WARS1: variants seen among roughly 807,000 people sequenced by gnomAD.
The protein encoded by WARS1 is tryptophan--tRNA ligase, cytoplasmic.
WARS1 carries 17 observed loss-of-function variants against 47.8 expected under a neutral mutation model. The ratio of observed to expected loss-of-function variants is 0.36; its 90% CI spans 0.24 to 0.53. The LOEUF is 0.53. Among genes scored for constraint, WARS1 ranks in the 20% least tolerant of loss-of-function variants. WARS1 has a pLI of 0.91. For synonymous variants in WARS1, 208 were observed against 228.1 expected (o/e 0.91, Z 0.79); for missense variants, 434 against 608.0 (o/e 0.71, Z 3.01).
In WARS1 at chr14:100,353,883, G is replaced by A. The variant is rs185745769; in HGVS notation, c.543-14C>T. On this transcript the variant is annotated splice_polypyrimidine_tract_variant and intron_variant, in intron 5 of 10. Transcript: ENST00000392882. ...TCCTGGAGCCACCTAAAGAAACACA[G>A]GGGGAGAAAGCTGACGTCTCATCTC... 1.1e-5 allele frequency: 17 copies of A among 1,610,114 alleles called. No homozygotes were observed. The highest frequency in any genetic ancestry group is 3.6e-4 in the Middle Eastern group (2 of 5,578).
intron 1 of WARS1, among the ~76,000 whole-genome samples, chr14:100,371,213 T>A (rs1407226921): frequency 6.6e-6 from 1 of 151,336 alleles, no homozygotes; most frequent in South Asian, 2.1e-4. Flanking sequence ...TTTGGGAGGC[T>A]GAGGTGGGTG....
At chr14:100,346,551 C>T (rs1327219344) in intron 7 of WARS1, among the ~76,000 whole-genome samples, 195 bp downstream of exon 7, 1 of 152,232 alleles carries the variant, frequency 6.6e-6, no homozygotes, top group Non-Finnish European at 1.5e-5. Flanking sequence ...CCCAGAGAAG[C>T]TGCTCAATGC....
At chr14:100,351,268 G>A (rs1894961198) in intron 6 of WARS1, among the ~76,000 whole-genome samples, 2 of 152,122 alleles carry the variant, frequency 1.3e-5, no homozygotes, top group African/African-American at 4.8e-5. Context: ...AAAAGGAGAA[G>A]CAGAACCCAC....
chr14:100,345,232 C>CA (rs1894514644), intron 7 of WARS1, among the ~76,000 whole-genome samples: 1 of 150,094 alleles, frequency 6.7e-6, no homozygotes, highest in Admixed American at 6.7e-5. Flanking sequence ...AATAGAAAGG[C>CA]GGGAAAGGTG....
chr14:100,341,605 T>C (rs1015985691), intron 9 of WARS1, among the ~76,000 whole-genome samples: 4 of 152,218 alleles, frequency 2.6e-5, no homozygotes, highest in Admixed American at 2.6e-4. Context: ...GAGGCAATTA[T>C]ATATACACTG....
chr14:100,369,523 C>T (rs1595463328), intron 1 of WARS1, among the ~76,000 whole-genome samples: 1 of 151,808 alleles, frequency 6.6e-6, no homozygotes, highest in African/African-American at 2.4e-5. Flanking sequence ...CTAGGAGGGG[C>T]CCTCCTAGTC....
At chr14:100,375,708 T>C (rs994838679), upstream of WARS1, 4 of 152,164 alleles carry the variant, frequency 2.6e-5, no homozygotes, top group Non-Finnish European at 5.9e-5. Flanking sequence ...TGTGTAGTCG[T>C]GGGCGGTGGA....
intron 9 of WARS1, among the ~76,000 whole-genome samples, chr14:100,341,206 G>A (rs1486206031): frequency 6.6e-6 from 1 of 152,138 alleles, no homozygotes; most frequent in South Asian, 2.1e-4. Flanking sequence ...GTGAGCTATC[G>A]CACCTGGCCA....
intron 6 of WARS1, among the ~76,000 whole-genome samples, chr14:100,350,753 G>A (rs1019955071): frequency 6.6e-6 from 1 of 152,196 alleles, no homozygotes; most frequent in Non-Finnish European, 1.5e-5. Context: ...GGAACTATGT[G>A]TCTTACTCAG....
chr14:100,334,810 T>TG lies in WARS1; in HGVS notation c.*64dup. On this transcript the variant is annotated 3_prime_UTR_variant, in exon 11 of 11. Transcript: ENST00000392882. ...AGCCTACAGGTGGCGGTGCTTTGACTGGGCTGGGATTATTGATACATTACT... is the reference window on the plus strand; with the variant it reads ...AGCCTACAGGTGGCGGTGCTTTGACTGGGGCTGGGATTATTGATACATTACT... The TG allele has an allele frequency of 1.3e-6, 2 of 1,573,180 alleles. No homozygotes were observed. The highest frequency in any genetic ancestry group is 1.7e-6 in the Non-Finnish European group (2 of 1,154,872).
At chr14:100,354,225 G>A in intron 5 of WARS1, 2 of 561,916 alleles carry the variant, frequency 3.6e-6, no homozygotes, top group Non-Finnish European at 6.0e-6. Flanking sequence ...GAGAAGAGGA[G>A]CAGGCCTGGC....
Position 100,357,295 on chromosome 14 carries a change from G to GA in WARS1, c.423-2730dup, listed in dbSNP as rs914382577. ...AGTTGAAGTCAGAGAAATTAGGAAC[G>GA]AAAAAAAAATCCAAATTGGAAAGGA... On this transcript the variant is annotated intron_variant, in intron 4 of 10. Transcript: ENST00000392882. 9.6e-4 allele frequency among the ~76,000 whole-genome samples: 143 copies of GA among 148,576 alleles called. 1 individual carries two copies. Among genetic ancestry groups the GA allele is most frequent in the South Asian group, 6.4e-4 (3 of 4,704 alleles).
chr14:100,348,072 G>A (rs894508243), intron 6 of WARS1, among the ~76,000 whole-genome samples: 1 of 152,194 alleles, frequency 6.6e-6, no homozygotes, highest in Non-Finnish European at 1.5e-5. Context: ...TAGTAGCATT[G>A]CCTCCACCTT....
At chr14:100,337,814 C>T (rs898712685) in intron 9 of WARS1, among the ~76,000 whole-genome samples, 4 of 151,952 alleles carry the variant, frequency 2.6e-5, no homozygotes, top group Non-Finnish European at 4.4e-5. Flanking sequence ...ACTGTGATTG[C>T]ATCACTGCAC....
intron 6 of WARS1, among the ~76,000 whole-genome samples, chr14:100,348,108 T>C (rs1894744566): frequency 6.6e-6 from 1 of 152,184 alleles, no homozygotes; most frequent in African/African-American, 2.4e-5. Flanking sequence ...TCAAAGAAGT[T>C]CAGGGTCATA....
chr14:100,354,415 G>T, intron 5 of WARS1, 32 bp downstream of exon 5: 1 of 1,604,816 alleles, frequency 6.2e-7, no homozygotes, highest in South Asian at 1.1e-5. Flanking sequence ...TTCACTAAGA[G>T]AGTAAGAAAA....
In WARS1 at chr14:100,334,764, C is replaced by G; in HGVS notation, c.*111G>C. ...TACACAGGCTTACAGAGGCCAGGCCCAGTAATTACCATGAGACAGAAGCCT... is the reference window on the plus strand; with the variant it reads ...TACACAGGCTTACAGAGGCCAGGCCGAGTAATTACCATGAGACAGAAGCCT... On this transcript the variant is annotated 3_prime_UTR_variant, in exon 11 of 11. Coordinates refer to ENST00000392882, the MANE Select transcript of WARS1 (RefSeq NM_004184.4). 1 of 1,306,596 alleles carries G rather than the reference C, an allele frequency of 7.7e-7. No individual in the cohort carries two copies. Among genetic ancestry groups the G allele is most frequent in the Non-Finnish European group, 1.1e-6 (1 of 938,612 alleles). The allele number at this position is 1,306,596 out of a possible 1,614,324, so 80.9% of individuals were successfully genotyped here.
intron 7 of WARS1, among the ~76,000 whole-genome samples, chr14:100,345,859 C>T (rs1458958751): frequency 6.6e-6 from 1 of 152,248 alleles, no homozygotes. Context: ...GGTACCCAGA[C>T]CCTTGGGTGA....
At chr14:100,342,026 C>A in intron 9 of WARS1, 1 of 296,334 alleles carries the variant, frequency 3.4e-6, no homozygotes. Flanking sequence ...TGGAACACAG[C>A]TGATGATGAG....
Sources: gnomAD v4.1 joint callset for allele counts (sites outside exome capture counted in the v4.1 genomes callset) on GRCh38, gnomAD v4.1.1 for gene constraint, MANE v1.5 for transcripts, NCBI Gene and HGNC (gene_info 2026-07-23, HGNC 2026-07-21) for gene names.